FARP1: variants seen among roughly 807,000 people sequenced by gnomAD.
The protein encoded by FARP1 is FERM, ARHGEF and pleckstrin domain-containing protein 1.
FARP1 carries 52 observed loss-of-function variants against 128.8 expected under a neutral mutation model. The ratio of observed to expected loss-of-function variants is 0.40; its 90% CI spans 0.32 to 0.51. The LOEUF (loss-of-function observed/expected upper bound fraction) is 0.51. Ranked by LOEUF, FARP1 falls within the 20% of genes least tolerant of loss-of-function variation. The pLI is 0.45. For missense variants in FARP1, 1,333 were observed against 1,367.9 expected (o/e 0.97, Z 0.40); for synonymous variants, 580 against 551.8 (o/e 1.05, Z -0.72).
intron 13 of FARP1, among the ~76,000 whole-genome samples, chr13:98,408,026 C>T (rs1242927041): frequency 2.0e-5 from 3 of 152,192 alleles, no homozygotes; most frequent in East Asian, 1.9e-4. Flanking sequence ...CAAGTAGCAG[C>T]GAGCCTGAAA....
chr13:98,342,110 T>A (rs1325026767), intron 2 of FARP1, among the ~76,000 whole-genome samples: 1 of 152,182 alleles, frequency 6.6e-6, no homozygotes, highest in Non-Finnish European at 1.5e-5. Context: ...GGCCTTTCCC[T>A]TCAATGTGGG....
intron 2 of FARP1, among the ~76,000 whole-genome samples, chr13:98,264,607 C>CT (rs1884017109): frequency 6.6e-6 from 1 of 152,154 alleles, no homozygotes; most frequent in African/African-American, 2.4e-5. Flanking sequence ...GAAGTCCTTC[C>CT]TTTAAGTGAA....
rs184993725 is a variant in FARP1 at position 98,309,940 on chromosome 13, C to T, written c.172-33822C>T. 2.8e-4 allele frequency among the ~76,000 whole-genome samples: 43 copies of T among 152,280 alleles called. 1 individual carries two copies. In the East Asian group the frequency reaches 6.8e-3, roughly 24 times the overall value. Reference sequence around the variant, plus strand: ...TAATCCTGGTCTTCAGAAGTAATCCCCATACACTTGGGATACTGTCCTCTC... The same window carrying T: ...TAATCCTGGTCTTCAGAAGTAATCCTCATACACTTGGGATACTGTCCTCTC... On this transcript the variant is annotated intron_variant, in intron 2 of 26. Coordinates refer to ENST00000319562, the MANE Select transcript of FARP1 (RefSeq NM_005766.4).
At chr13:98,329,732 CTG>C (rs1170956221) in intron 2 of FARP1, 1 of 152,220 alleles carries the variant, frequency 6.6e-6, no homozygotes, top group East Asian at 1.9e-4. Flanking sequence ...TTGTTAAAGA[CTG>C]TATTATTATG....
chr13:98,432,681 G>T, intron 18 of FARP1: 1 of 152,380 alleles, frequency 6.6e-6, no homozygotes. Context: ...TTAAAACCTG[G>T]GTGACGGCTG....
chr13:98,358,935 CTCTT>C (rs1313301510), intron 3 of FARP1, among the ~76,000 whole-genome samples: 4 of 152,184 alleles, frequency 2.6e-5, no homozygotes, highest in East Asian at 1.9e-4. Flanking sequence ...CCGCGCACGG[CTCTT>C]TCTTTTTCTT....
intron 2 of FARP1, among the ~76,000 whole-genome samples, chr13:98,256,949 A>ATATATATATATATATATATATG (rs1883629938): frequency 1.4e-4 from 3 of 21,688 alleles, no homozygotes; most frequent in Non-Finnish European, 2.1e-4. Flanking sequence ...ATATATGTGG[A>ATATATATATATATATATATATG]TATATATATA....
intron 2 of FARP1, among the ~76,000 whole-genome samples, chr13:98,233,321 G>T (rs989466310): frequency 6.6e-6 from 1 of 152,116 alleles, no homozygotes; most frequent in Non-Finnish European, 1.5e-5. Context: ...TGTCAGCCAG[G>T]CTGGTTAACT....
chr13:98,418,902 C>G (rs1195984652), intron 16 of FARP1, among the ~76,000 whole-genome samples: 1 of 152,158 alleles, frequency 6.6e-6, no homozygotes, highest in East Asian at 1.9e-4. Flanking sequence ...TCCTCTTATT[C>G]AATTCGACCT....
intron 2 of FARP1, among the ~76,000 whole-genome samples, chr13:98,254,506 A>G (rs563327962): frequency 1.3e-5 from 2 of 152,224 alleles, no homozygotes; most frequent in Non-Finnish European, 2.9e-5. Context: ...TATCCCAGTG[A>G]TCATGAGCAC....
chr13:98,166,659 A>AT (rs1877283300), intron 1 of FARP1, among the ~76,000 whole-genome samples: 1 of 151,516 alleles, frequency 6.6e-6, no homozygotes. Context: ...CAAACCGGAA[A>AT]CCTACAGTGA....
At chr13:98,297,012 GT>G (rs1164555849) in intron 2 of FARP1, among the ~76,000 whole-genome samples, 2 of 152,146 alleles carry the variant, frequency 1.3e-5, no homozygotes, top group African/African-American at 4.8e-5. Context: ...TCAAATGATG[GT>G]TTTTTAATAA....
At chr13:98,422,782 A>C (rs939823995) in intron 16 of FARP1, among the ~76,000 whole-genome samples, 1 of 152,122 alleles carries the variant, frequency 6.6e-6, no homozygotes, top group Non-Finnish European at 1.5e-5. Context: ...TTGAGTCAAC[A>C]GTCAGGAAGG....
intron 18 of FARP1, chr13:98,434,122 G>A (rs1279676595): frequency 3.3e-5 from 5 of 152,292 alleles, no homozygotes; most frequent in Admixed American, 6.5e-5. Flanking sequence ...CTTAAAGCAT[G>A]AAGTGGCAGC....
At chr13:98,363,133 A>G (rs1475914343) in intron 3 of FARP1, among the ~76,000 whole-genome samples, 1 of 152,100 alleles carries the variant, frequency 6.6e-6, no homozygotes, top group African/African-American at 2.4e-5. Flanking sequence ...GTTCCTTCCC[A>G]TTGCTCTTAG....
rs1387988086 is a variant in FARP1 at position 98,448,530 on chromosome 13, G to C, written c.*213G>C. The C allele has an allele frequency of 1.8e-6, 1 of 568,090 alleles. No homozygotes were observed. The highest frequency in any genetic ancestry group is 3.1e-6 in the Non-Finnish European group (1 of 318,482). The allele number at this position is 568,090 out of a possible 1,614,324, so 35.2% of individuals were successfully genotyped here. A position where few individuals can be genotyped will look rare whatever the true frequency, so the allele number is the denominator to read the frequency against. ...CACCTCCAGTCCTGGCATCCGCTGGGGGCGCTGTTCTTTAGCTAGTGCCAG... is the reference window on the plus strand; with the variant it reads ...CACCTCCAGTCCTGGCATCCGCTGGCGGCGCTGTTCTTTAGCTAGTGCCAG... On this transcript the variant is annotated 3_prime_UTR_variant, in exon 27 of 27. Transcript: ENST00000319562.
rs977216136 is a variant in FARP1, at chr13:98,268,521, G to A, written c.171+55108G>A. On this transcript the variant is annotated intron_variant, in intron 2 of 26. Coordinates refer to ENST00000319562, the MANE Select transcript of FARP1 (RefSeq NM_005766.4). ...CTCGCTCTGTCACCCAGGCTGGAGT[G>A]CAGTGGCGCGATCTCAGCTCACTGC... Among the ~76,000 whole-genome samples the A allele has an allele frequency of 3.9e-5, 6 of 152,148 alleles. No individual in the cohort carries two copies. The East Asian group carries it at 1.2e-3, about 29-fold the overall frequency.
intron 6 of FARP1, chr13:98,383,587 A>G (rs1889973264): frequency 6.6e-6 from 1 of 152,188 alleles, no homozygotes; most frequent in Admixed American, 6.5e-5. Context: ...GTTTCATAGC[A>G]ACAGTTCCCT....
chr13:98,294,833 AT>A (rs1489523535), intron 2 of FARP1, among the ~76,000 whole-genome samples: 2 of 152,064 alleles, frequency 1.3e-5, no homozygotes, highest in Non-Finnish European at 2.9e-5. Flanking sequence ...CCTGGCCAAC[AT>A]GATGAAACCC....
Sources: gnomAD v4.1 joint callset for allele counts (sites outside exome capture counted in the v4.1 genomes callset) on GRCh38, gnomAD v4.1.1 for gene constraint, MANE v1.5 for transcripts, NCBI Gene and HGNC (gene_info 2026-07-23, HGNC 2026-07-21) for gene names.